PCDHGA7: variants seen among roughly 807,000 people sequenced by gnomAD.
PCDHGA7 encodes protocadherin gamma subfamily A, 7, also known as protocadherin gamma-A7.
In PCDHGA7, 44 loss-of-function variants were observed where a neutral mutation model predicts 58.3. The observed-to-expected ratio is 0.75, with a 90% CI of 0.59 to 0.97. The LOEUF (loss-of-function observed/expected upper bound fraction) is 0.97, where lower values mean the gene tolerates loss of function less well. Ranked by LOEUF, PCDHGA7 falls within the 50% of genes least tolerant of loss-of-function variation. The probability of loss-of-function intolerance (pLI) is 0.00; values close to 1 mark genes in which losing one functional copy is unlikely to be tolerated. For synonymous variants in PCDHGA7, 516 were observed against 504.2 expected, an observed-to-expected ratio of 1.02 and a Z score of -0.31; for missense variants, 1,266 against 1,188.7, an observed-to-expected ratio of 1.06 and a Z score of -0.96.
chr5:141,444,360 G>A (rs556605314), intron 1 of PCDHGA7, among the ~76,000 whole-genome samples: 1 of 151,652 alleles, frequency 6.6e-6, no homozygotes, highest in South Asian at 2.1e-4. Context: ...TAGTAGAGAC[G>A]GGGTTTCTCC....
rs1287277950 is a variant in PCDHGA7 at position 141,384,488 on chromosome 5, T to C, written c.1589T>C (p.Leu530Pro). The C allele has an allele frequency of 2.5e-6, 4 of 1,614,104 alleles. No individual in the cohort carries two copies. In the East Asian group the frequency reaches 8.9e-5, roughly 36 times the overall value. ...FDYEQLRELQLRVTAHDSGDP... is the reference protein window; with the variant it reads ...FDYEQLRELQPRVTAHDSGDP... The stretch of plus-strand genomic sequence containing the variant: ...TATGAGCAGTTGAGAGAACTACAAC[T>C]AAGAGTGACTGCACATGACAGCGGG... The change falls in exon 1 of 4, where the codon CTA (leucine) becomes CCA (proline). Residue 530 changes from leucine to proline, a missense_variant. Transcript: ENST00000518325.
At chr5:141,422,758 A>C (rs1237677806) in intron 1 of PCDHGA7, 3 of 1,613,032 alleles carry the variant, frequency 1.9e-6, no homozygotes, top group Non-Finnish European at 2.5e-6. Flanking sequence ...TATTAACTCC[A>C]ACACTGGTGT....
chr5:141,474,260 A>G (rs1459875243), intron 1 of PCDHGA7, among the ~76,000 whole-genome samples: 1 of 152,170 alleles, frequency 6.6e-6, no homozygotes, highest in Non-Finnish European at 1.5e-5. Flanking sequence ...AGACTGATAA[A>G]CCAGTGTATC....
Position 141,383,555 on chromosome 5 carries a change from A to G in PCDHGA7, c.656A>G (p.Asp219Gly). 6.2e-7 allele frequency: 1 copy of G among 1,611,868 alleles called. No individual in the cohort carries two copies. Among genetic ancestry groups the G allele is most frequent in the East Asian group, 2.2e-5 (1 of 44,772 alleles). Residue 219 changes from aspartate to glycine, a missense_variant, in exon 1 of 4, where the codon GAC (aspartate) becomes GGC (glycine). Coordinates refer to ENST00000518325, the MANE Select transcript of PCDHGA7 (RefSeq NM_018920.4). Reference protein sequence around the residue: ...HLVLTASDGGDPPRSSTAHIQ... With the variant: ...HLVLTASDGGGPPRSSTAHIQ... The stretch of plus-strand genomic sequence containing the variant: ...GTCCTCACAGCCTCTGATGGCGGCG[A>G]CCCGCCCCGATCCAGCACCGCCCAC...
rs377248872 is a variant in PCDHGA7 at position 141,489,231 on chromosome 5, C to T, written c.2425-5576C>T. 2 of 1,528,166 alleles carry T rather than the reference C, an allele frequency of 1.3e-6. No homozygotes were observed. The highest frequency in any genetic ancestry group is 1.4e-5 in the African/African-American group (1 of 72,140). The allele number at this position is 1,528,166 out of a possible 1,614,324, so 94.7% of individuals were successfully genotyped here. A position where few individuals can be genotyped will look rare whatever the true frequency, so the allele number is the denominator to read the frequency against. On this transcript the variant is annotated intron_variant, in intron 1 of 3. Transcript: ENST00000518325. This position sits in a 1 kb window ranked among gnomAD's most constrained non-coding sequence, Gnocchi z 4.5. ...CACAGACTTACTCTCCACAAAGGGA[C>T]TTCTGGGTCATGGGGCCCAAGACAC...
intron 1 of PCDHGA7, among the ~76,000 whole-genome samples, chr5:141,452,745 GGAA>G (rs2098748194): frequency 6.6e-6 from 1 of 152,054 alleles, no homozygotes; most frequent in Non-Finnish European, 1.5e-5. Flanking sequence ...AGAGAGAGAA[GGAA>G]GAAGGAAGGG....
intron 1 of PCDHGA7, chr5:141,420,300 C>T (rs773892933): frequency 1.6e-5 from 24 of 1,467,248 alleles, no homozygotes; most frequent in African/African-American, 2.8e-5. Context: ...TGTATTTAAT[C>T]CTTTTTATAT....
At chr5:141,443,137 A>G (rs1202995621) in intron 1 of PCDHGA7, among the ~76,000 whole-genome samples, 1 of 152,174 alleles carries the variant, frequency 6.6e-6, no homozygotes, top group Non-Finnish European at 1.5e-5. Flanking sequence ...GAACACTATC[A>G]TAAGTTATAC....
At chr5:141,470,682 T>C (rs2099236741) in intron 1 of PCDHGA7, among the ~76,000 whole-genome samples, 1 of 152,138 alleles carries the variant, frequency 6.6e-6, no homozygotes, top group Non-Finnish European at 1.5e-5. Flanking sequence ...TGTTACCATC[T>C]TGAAATTCTT....
intron 1 of PCDHGA7, chr5:141,410,073 G>T: frequency 6.2e-7 from 1 of 1,612,940 alleles, no homozygotes; most frequent in South Asian, 1.1e-5. Context: ...CTGCGCACTG[G>T]GGAGGTGCGC....
In PCDHGA7 at chr5:141,486,563, G is replaced by A. The variant is rs558244990; in HGVS notation, c.2425-8244G>A. The A allele has an allele frequency of 1.2e-6, 2 of 1,614,006 alleles. No homozygotes were observed. The highest frequency in any genetic ancestry group is 1.7e-6 in the Non-Finnish European group (2 of 1,180,036). On this transcript the variant is annotated intron_variant, in intron 1 of 3. Coordinates refer to ENST00000518325, the MANE Select transcript of PCDHGA7 (RefSeq NM_018920.4). The surrounding 1 kb of genome is among the most constrained non-coding windows in gnomAD (Gnocchi z 5.0). ...CTTTCAGAGGTCACATGAGGTGTTTGTTCCTGAGAACAATCGCCCAGGGGA... is the reference window on the plus strand; with the variant it reads ...CTTTCAGAGGTCACATGAGGTGTTTATTCCTGAGAACAATCGCCCAGGGGA...
At chr5:141,458,519 T>C (rs974750749) in intron 1 of PCDHGA7, among the ~76,000 whole-genome samples, 1 of 152,110 alleles carries the variant, frequency 6.6e-6, no homozygotes, top group Non-Finnish European at 1.5e-5. Context: ...CTTTGTTTTT[T>C]TTTTTAACTT....
chr5:141,401,623 T>A (rs1418194568), intron 1 of PCDHGA7, among the ~76,000 whole-genome samples: 1 of 152,230 alleles, frequency 6.6e-6, no homozygotes, highest in African/African-American at 2.4e-5. Flanking sequence ...GGATTTGTCT[T>A]ATCGTTTGGA....
intron 1 of PCDHGA7, chr5:141,413,845 C>G: frequency 6.2e-7 from 1 of 1,613,242 alleles, no homozygotes. Flanking sequence ...CGGGGGTGAC[C>G]CTCTCCGATC....
In PCDHGA7 at chr5:141,386,663, G is replaced by T. The variant is rs532080624; in HGVS notation, c.2424+1340G>T. On this transcript the variant is annotated intron_variant, in intron 1 of 3. Transcript: ENST00000518325. ...GGATACATTTTACAAGTTCTGCAGT[G>T]TTCACATTTCAGATGTACAATCACT... Among the ~76,000 whole-genome samples, 44 of 152,044 alleles carry T rather than the reference G, an allele frequency of 2.9e-4. No homozygotes were observed. In the South Asian group the frequency reaches 5.4e-3, roughly 19 times the overall value.
Position 141,486,824 on chromosome 5 carries a change from G to A in PCDHGA7, c.2425-7983G>A, listed in dbSNP as rs749609525. On this transcript the variant is annotated intron_variant, in intron 1 of 3. Coordinates refer to ENST00000518325, the MANE Select transcript of PCDHGA7 (RefSeq NM_018920.4). The surrounding 1 kb of genome is among the most constrained non-coding windows in gnomAD (Gnocchi z 5.0). ...CCCACCCCTTAGCAGCACTGTAACA[G>A]TTCGTCTATTTGTGCTGGACCTCAA... is the stretch of plus-strand genomic sequence containing the variant. 1 of 1,614,218 alleles carries A rather than the reference G, an allele frequency of 6.2e-7. No homozygotes were observed. Among genetic ancestry groups the A allele is most frequent in the Non-Finnish European group, 8.5e-7 (1 of 1,180,028 alleles).
Position 141,383,331 on chromosome 5 carries a change from G to T in PCDHGA7, c.432G>T (p.Glu144Asp). The change falls in exon 1 of 4, where the codon GAG becomes GAT. Residue 144 changes from glutamate to aspartate, a missense_variant. Transcript: ENST00000518325. ...LTEEINVKIM[E>D]NTAPGVRFPL... ...AAGAAATAAATGTAAAAATAATGGA[G>T]AATACAGCTCCTGGGGTTCGGTTTC... is the stretch of plus-strand genomic sequence containing the variant. The T allele has an allele frequency of 1.2e-6, 2 of 1,613,992 alleles. No homozygotes were observed. Among genetic ancestry groups the T allele is most frequent in the Non-Finnish European group, 1.7e-6 (2 of 1,179,878 alleles).
intron 1 of PCDHGA7, among the ~76,000 whole-genome samples, chr5:141,469,375 G>C (rs942714664): frequency 2.0e-5 from 3 of 152,076 alleles, no homozygotes; most frequent in African/African-American, 7.2e-5. Flanking sequence ...AAGAGATCGA[G>C]ACCATCCTGG....
chr5:141,444,470 C>T (rs1275997551), intron 1 of PCDHGA7, among the ~76,000 whole-genome samples: 2 of 152,058 alleles, frequency 1.3e-5, no homozygotes, highest in African/African-American at 2.4e-5. Flanking sequence ...TGCGCCCGGT[C>T]GCGTACTGGA....
Sources: gnomAD v4.1 joint callset for allele counts (sites outside exome capture counted in the v4.1 genomes callset) on GRCh38, gnomAD v4.1.1 for gene constraint, Gnocchi (gnomAD v3.1) non-coding constraint, MANE v1.5 for transcripts, NCBI Gene and HGNC (gene_info 2026-07-23, HGNC 2026-07-21) for gene names.